HSPA12A: variants seen among roughly 807,000 people sequenced by gnomAD.
The protein encoded by HSPA12A is heat shock protein family A (Hsp70) member 12A.
HSPA12A carries 28 observed loss-of-function variants against 69.2 expected under a neutral mutation model. The observed-to-expected ratio is 0.40, with a 90% CI of 0.30 to 0.55. The LOEUF (loss-of-function observed/expected upper bound fraction) is 0.55, where lower values mean the gene tolerates loss of function less well. HSPA12A is among the 20% of genes least tolerant of loss of function. The pLI, the probability that HSPA12A is intolerant of heterozygous loss-of-function variation, is 0.38. For synonymous variants in HSPA12A, 345 were observed against 370.5 expected, an observed-to-expected ratio of 0.93 and a Z score of 0.79; for missense variants, 686 against 900.7, an observed-to-expected ratio of 0.76 and a Z score of 3.05.
At chr10:116,839,308 T>G (rs1320983856) in intron 1 of HSPA12A, among the ~76,000 whole-genome samples, 1 of 152,214 alleles carries the variant, frequency 6.6e-6, no homozygotes, top group African/African-American at 2.4e-5. Context: ...TGAAGCTGCA[T>G]GAGCACAGAC....
At chr10:116,721,775 G>A (rs1174544137) in intron 1 of HSPA12A, among the ~76,000 whole-genome samples, 1 of 152,160 alleles carries the variant, frequency 6.6e-6, no homozygotes, top group Non-Finnish European at 1.5e-5. Context: ...TAATGTACAT[G>A]CTGTGTTTAG....
At chr10:116,801,584 G>A (rs908921312) in intron 2 of HSPA12A, among the ~76,000 whole-genome samples, 9 of 151,978 alleles carry the variant, frequency 5.9e-5, no homozygotes, top group Admixed American at 2.6e-4. Flanking sequence ...GCATTCCCAC[G>A]AGCGCAATAG....
At chr10:116,681,074 G>A (rs1849386845) in intron 9 of HSPA12A, 78 bp downstream of exon 9, 1 of 941,292 alleles carries the variant, frequency 1.1e-6, no homozygotes. Context: ...ATAAAACTGA[G>A]AGTTATCTGA....
At chr10:116,698,523 C>T in intron 5 of HSPA12A, 112 bp downstream of exon 5, 1 of 745,990 alleles carries the variant, frequency 1.3e-6, no homozygotes, top group East Asian at 2.5e-5. Context: ...CACACTCTCC[C>T]TCCAGGCTGT....
intron 2 of HSPA12A, among the ~76,000 whole-genome samples, chr10:116,754,701 G>A (rs782172936): frequency 2.5e-4 from 38 of 152,134 alleles, no homozygotes; most frequent in African/African-American, 8.2e-4. Flanking sequence ...CAGAATGACC[G>A]ATCTTGTCAG....
intron 3 of HSPA12A, among the ~76,000 whole-genome samples, chr10:116,704,441 C>T (rs1850175309): frequency 6.6e-6 from 1 of 151,948 alleles, no homozygotes; most frequent in South Asian, 2.1e-4. Flanking sequence ...AGGGGAACAT[C>T]ACACACCAGG....
Position 116,674,754 on chromosome 10 carries a change from A to G in HSPA12A, c.*27T>C. On this transcript the variant is annotated 3_prime_UTR_variant, in exon 12 of 12. Coordinates refer to ENST00000369209, the MANE Select transcript of HSPA12A (RefSeq NM_025015.3). ...CAGCAGATGCAGATAAGTTGAGTCCAAGGGGACAGGCAGCGGGGCGGGAGG... is the reference window on the plus strand; with the variant it reads ...CAGCAGATGCAGATAAGTTGAGTCCGAGGGGACAGGCAGCGGGGCGGGAGG... 1 of 1,585,280 alleles carries G rather than the reference A, an allele frequency of 6.3e-7. No homozygotes were observed. Among genetic ancestry groups the G allele is most frequent in the Non-Finnish European group, 8.6e-7 (1 of 1,166,562 alleles).
chr10:116,758,175 C>T (rs976400824), intron 2 of HSPA12A, among the ~76,000 whole-genome samples: 1 of 152,180 alleles, frequency 6.6e-6, no homozygotes, highest in Admixed American at 6.5e-5. Context: ...AGGTACCTAA[C>T]AGCCTTCAGC....
At position 116,675,012 on chromosome 10, in the gene HSPA12A, G is replaced by A. The variant is rs367596673; in HGVS notation, c.1797C>T (p.Val599=). Residue 599 remains valine, a synonymous_variant, in exon 12 of 12, where the codon GTC becomes GTT. Transcript: ENST00000369209. This position sits in a 1 kb window ranked among gnomAD's most constrained non-coding sequence, Gnocchi z 5.2. The stretch of plus-strand genomic sequence containing the variant: ...CGTGCTCAGAGCTGTAGATGTTGAT[G>A]ACAATGACCAGCTGGGAGGGCTTGG... ...TPAKPSQLVI[V]INIYSSEHDN... is the part of the protein sequence containing the mutation. 1.9e-4 allele frequency: 300 copies of A among 1,614,180 alleles called. No individual in the cohort carries two copies. The African/African-American group carries it at 3.9e-3, about 21-fold the overall frequency.
chr10:116,762,233 G>A (rs1843988330), intron 2 of HSPA12A, among the ~76,000 whole-genome samples: 1 of 152,128 alleles, frequency 6.6e-6, no homozygotes, highest in South Asian at 2.1e-4. Flanking sequence ...TCAGCCCTGT[G>A]GGCACCTCCT....
intron 2 of HSPA12A, among the ~76,000 whole-genome samples, chr10:116,797,690 GC>G (rs1425419118): frequency 1.3e-5 from 2 of 152,208 alleles, no homozygotes; most frequent in Non-Finnish European, 2.9e-5. Context: ...CCAGGGAAAA[GC>G]CCTCAACAGG....
In HSPA12A at chr10:116,707,255, G is replaced by A. The variant is rs1401905234; in HGVS notation, c.71C>T (p.Pro24Leu). ...ETAPTSAYSS[P>L]ARSLGDTGIT... is the part of the protein sequence containing the mutation. ...TCCTGTGTCCCCAAGACTCCGGGCTGGAGATGAATATGCAGATGTGGGAGC... is the reference window on the plus strand; with the variant it reads ...TCCTGTGTCCCCAAGACTCCGGGCTAGAGATGAATATGCAGATGTGGGAGC... The change falls in exon 2 of 12, where the codon CCA becomes CTA. Residue 24 changes from proline (P) to leucine (L), a missense_variant. Physicochemically the swap from Pro to Leu is moderately conservative, Grantham distance 98. Transcript: ENST00000369209. 1.6e-5 allele frequency: 26 copies of A among 1,613,038 alleles called. No individual in the cohort carries two copies. The highest frequency in any genetic ancestry group is 2.7e-5 in the African/African-American group (2 of 75,044).
At chr10:116,764,577 C>T (rs1466685030) in intron 2 of HSPA12A, among the ~76,000 whole-genome samples, 1 of 152,026 alleles carries the variant, frequency 6.6e-6, no homozygotes, top group Non-Finnish European at 1.5e-5. Context: ...AACACAACAG[C>T]CATACACTAG....
chr10:116,758,570 G>A (rs915811325), intron 2 of HSPA12A, among the ~76,000 whole-genome samples: 2 of 152,160 alleles, frequency 1.3e-5, no homozygotes, highest in South Asian at 2.1e-4. Context: ...TGAGGCCAGC[G>A]GAGATGGTTC....
chr10:116,739,747 T>C (rs1396381448), intron 1 of HSPA12A, among the ~76,000 whole-genome samples: 1 of 152,180 alleles, frequency 6.6e-6, no homozygotes, highest in Non-Finnish European at 1.5e-5. Flanking sequence ...GTAAATTAAG[T>C]AATTTAAACA....
intron 6 of HSPA12A, among the ~76,000 whole-genome samples, chr10:116,689,603 A>G (rs1293152686): frequency 2.1e-5 from 3 of 139,770 alleles, no homozygotes; most frequent in Non-Finnish European, 4.6e-5. Context: ...GCAGTAGGGC[A>G]TACAGACACA....
At chr10:116,716,753 G>A (rs1850619114) in intron 1 of HSPA12A, among the ~76,000 whole-genome samples, 1 of 152,024 alleles carries the variant, frequency 6.6e-6, no homozygotes, top group African/African-American at 2.4e-5. Context: ...TGTGAGCCTG[G>A]GGACACTGCC....
intron 2 of HSPA12A, among the ~76,000 whole-genome samples, chr10:116,813,719 A>G (rs985494536): frequency 8.6e-5 from 13 of 151,842 alleles, no homozygotes; most frequent in African/African-American, 2.7e-4. Context: ...CCTCTCTACA[A>G]AAAAAAATGT....
intron 1 of HSPA12A, among the ~76,000 whole-genome samples, chr10:116,741,811 G>A (rs2133069328): frequency 6.6e-6 from 1 of 152,234 alleles, no homozygotes; most frequent in Non-Finnish European, 1.5e-5. Context: ...TCGAACCCCC[G>A]CCGCTTCACC....
Sources: allele counts gnomAD v4.1 joint callset (sites outside exome capture counted in the v4.1 genomes callset), GRCh38; gene constraint gnomAD v4.1.1; non-coding constraint Gnocchi (gnomAD v3.1); transcripts MANE v1.5; gene names NCBI Gene and HGNC (gene_info 2026-07-23, HGNC 2026-07-21).